The following CDH4 variants were observed in gnomAD, a reference collection of about 807,000 sequenced individuals.
CDH4 encodes the protein cadherin-4.
CDH4 carries 33 observed loss-of-function variants against 86.0 expected under a neutral mutation model. That is an observed-to-expected ratio of 0.38 (90% confidence interval 0.29 to 0.51). The LOEUF (loss-of-function observed/expected upper bound fraction) is 0.51, where lower values mean the gene tolerates loss of function less well. Ranked by LOEUF, CDH4 falls within the 20% of genes least tolerant of loss-of-function variation. The probability of loss-of-function intolerance (pLI) is 0.86; values close to 1 mark genes in which losing one functional copy is unlikely to be tolerated. For missense variants in CDH4, 1,114 were observed against 1,307.4 expected (o/e 0.85, Z 2.28); for synonymous variants, 555 against 549.4 (o/e 1.01, Z -0.14).
chr20:61,920,339 G>A (rs1323186137), intron 9 of CDH4, among the ~76,000 whole-genome samples: 1 of 139,958 alleles, frequency 7.1e-6, no homozygotes, highest in Non-Finnish European at 1.5e-5. Flanking sequence ...GTGGAAGCGT[G>A]GTGTCATAGT....
At chr20:61,493,945 A>G (rs1329539871) in intron 2 of CDH4, among the ~76,000 whole-genome samples, 1 of 152,156 alleles carries the variant, frequency 6.6e-6, no homozygotes, top group Non-Finnish European at 1.5e-5. Flanking sequence ...GTCCCCCACA[A>G]ACCTCCCCCT....
At chr20:61,389,332 G>A (rs573873854) in intron 2 of CDH4, among the ~76,000 whole-genome samples, 3 of 152,200 alleles carry the variant, frequency 2.0e-5, no homozygotes, top group Non-Finnish European at 4.4e-5. Context: ...TCCATGTGCC[G>A]CTGGGCATTT....
intron 2 of CDH4, among the ~76,000 whole-genome samples, chr20:61,574,964 TA>T (rs1482454535): frequency 1.3e-5 from 2 of 152,144 alleles, no homozygotes; most frequent in African/African-American, 2.4e-5. Context: ...CACCTGATGA[TA>T]AACTCATGAA....
intron 2 of CDH4, among the ~76,000 whole-genome samples, chr20:61,572,629 T>C (rs1161756818): frequency 6.6e-6 from 1 of 152,248 alleles, no homozygotes; most frequent in Non-Finnish European, 1.5e-5. Context: ...CACCCAGTCC[T>C]GAACAAGGCC....
chr20:61,790,893 A>G (rs1173205268), intron 4 of CDH4, among the ~76,000 whole-genome samples: 1 of 150,470 alleles, frequency 6.6e-6, no homozygotes, highest in Non-Finnish European at 1.5e-5. Flanking sequence ...CCACCCACCT[A>G]CCATCCATCC....
intron 4 of CDH4, among the ~76,000 whole-genome samples, chr20:61,841,457 G>T (rs935917146): frequency 6.6e-6 from 1 of 152,204 alleles, no homozygotes; most frequent in African/African-American, 2.4e-5. Flanking sequence ...AACTCTCCAT[G>T]GGTGGAGAAG....
At chr20:61,611,156 A>G (rs766121779) in intron 2 of CDH4, among the ~76,000 whole-genome samples, 5 of 151,980 alleles carry the variant, frequency 3.3e-5, no homozygotes, top group East Asian at 1.9e-4. Context: ...ATAGTCCCCA[A>G]CTGCAGTGAG....
intron 3 of CDH4, among the ~76,000 whole-genome samples, chr20:61,767,542 G>A (rs763083367): frequency 3.9e-5 from 6 of 152,174 alleles, no homozygotes; most frequent in East Asian, 1.9e-4. Context: ...GGCCTTGGGC[G>A]GTGGAGGTGG....
chr20:61,860,844 T>C (rs746357260), intron 6 of CDH4, among the ~76,000 whole-genome samples: 1 of 152,052 alleles, frequency 6.6e-6, no homozygotes, highest in Non-Finnish European at 1.5e-5. Flanking sequence ...GGCATTTATA[T>C]CTGCAGGAGG....
At chr20:61,320,231 T>C (rs6124082) in intron 2 of CDH4, among the ~76,000 whole-genome samples, 35,132 of 152,164 alleles carry the variant, frequency 0.23, 4,085 homozygotes, top group Middle Eastern at 0.42. Context: ...TTATGCATGC[T>C]GACTGTGTCT....
chr20:61,924,262 A>T, intron 10 of CDH4, 72 bp from the exon 11 acceptor site: 1 of 1,485,402 alleles, frequency 6.7e-7, no homozygotes, highest in African/African-American at 1.4e-5. Flanking sequence ...GGTGTGGCCA[A>T]GGAGGCCTGG....
chr20:61,763,089 G>A (rs2088656449), intron 3 of CDH4, among the ~76,000 whole-genome samples: 1 of 152,256 alleles, frequency 6.6e-6, no homozygotes. Flanking sequence ...TGGGCGGGAT[G>A]ACAAGTGAGG....
chr20:61,531,325 AG>A (rs1402339262), intron 2 of CDH4, among the ~76,000 whole-genome samples: 1 of 151,206 alleles, frequency 6.6e-6, no homozygotes, highest in African/African-American at 2.5e-5. Context: ...TACAAAAATT[AG>A]CCGGGCATGG....
intron 2 of CDH4, among the ~76,000 whole-genome samples, chr20:61,489,355 T>C (rs963920827): frequency 6.6e-6 from 1 of 151,940 alleles, no homozygotes; most frequent in African/African-American, 2.4e-5. Flanking sequence ...TTTTTGCCAT[T>C]ACTTGGGTCA....
chr20:61,440,494 T>G (rs973128925), intron 2 of CDH4, among the ~76,000 whole-genome samples: 1 of 152,236 alleles, frequency 6.6e-6, no homozygotes, highest in Non-Finnish European at 1.5e-5. Context: ...AAGCAAAGTT[T>G]TATTAAATAC....
chr20:61,284,291 G>A (rs770523474), intron 2 of CDH4, among the ~76,000 whole-genome samples: 23 of 152,062 alleles, frequency 1.5e-4, no homozygotes, highest in Non-Finnish European at 2.5e-4. Flanking sequence ...TCCAGCCTGG[G>A]CAATAGAGCA....
At chr20:61,541,810 G>A (rs2086041610) in intron 2 of CDH4, among the ~76,000 whole-genome samples, 1 of 152,192 alleles carries the variant, frequency 6.6e-6, no homozygotes. Flanking sequence ...CAGTGAGTGT[G>A]CCAGGATCCC....
chr20:61,475,018 G>A (rs977536200), intron 2 of CDH4, among the ~76,000 whole-genome samples: 6 of 152,158 alleles, frequency 3.9e-5, no homozygotes, highest in Admixed American at 1.3e-4. Flanking sequence ...AATAAAACAA[G>A]AGCAGTATCT....
chr20:61,425,839 C>T (rs556663065), intron 2 of CDH4, among the ~76,000 whole-genome samples: 13 of 151,546 alleles, frequency 8.6e-5, no homozygotes, highest in South Asian at 2.1e-4. Context: ...TGGCCAATTG[C>T]AGTACATTCT....
Sources: gnomAD v4.1 joint callset for allele counts (sites outside exome capture counted in the v4.1 genomes callset) on GRCh38, gnomAD v4.1.1 for gene constraint, MANE v1.5 for transcripts, NCBI Gene and HGNC (gene_info 2026-07-23, HGNC 2026-07-21) for gene names.